Variants in ZNF695 observed in about 807,000 individuals in gnomAD.
The protein encoded by ZNF695 is zinc finger protein SBZF3.
Under a neutral mutation model 11.2 loss-of-function variants are expected in ZNF695, and 11 were observed. That is an observed-to-expected ratio of 0.98 (90% CI 0.62 to 1.62). The LOEUF (loss-of-function observed/expected upper bound fraction) is 1.62. Among genes scored for constraint, ZNF695 ranks in the 40% most tolerant of loss-of-function variants. ZNF695 has a pLI of 0.00. For missense variants in ZNF695, 559 were observed against 590.5 expected (o/e 0.95, Z 0.55); for synonymous variants, 190 against 201.4 (o/e 0.94, Z 0.48).
intron 3 of ZNF695, among the ~76,000 whole-genome samples, chr1:246,989,106 A>C (rs1161852565): frequency 6.7e-6 from 1 of 149,680 alleles, no homozygotes; most frequent in Non-Finnish European, 1.5e-5. Context: ...AAAAAAAAAA[A>C]AAAACGACAT....
intron 5 of ZNF695, among the ~76,000 whole-genome samples, chr1:246,953,326 AATAAAAACAAAGTGGGCCACGCCT>A (rs1254675374): frequency 4.6e-5 from 7 of 152,076 alleles, no homozygotes; most frequent in South Asian, 4.1e-4. Context: ...TAACCTCAGT[AATAAAAACAAAGTGGGCCACGCCT>A]GTAATCCCAG....
chr1:246,963,589 G>A (rs1019178133), intron 5 of ZNF695, among the ~76,000 whole-genome samples: 1 of 152,212 alleles, frequency 6.6e-6, no homozygotes, highest in Non-Finnish European at 1.5e-5. Context: ...ATCCGGCAGG[G>A]AAGAAGGCTG....
At chr1:246,977,947 C>A (rs1301721546) in intron 4 of ZNF695, among the ~76,000 whole-genome samples, 1 of 152,148 alleles carries the variant, frequency 6.6e-6, no homozygotes, top group African/African-American at 2.4e-5. Flanking sequence ...CAAACAGCAA[C>A]AAGGAGAAAA....
intron 5 of ZNF695, among the ~76,000 whole-genome samples, chr1:246,953,512 G>A (rs2102999800): frequency 6.6e-6 from 1 of 152,230 alleles, no homozygotes; most frequent in South Asian, 2.1e-4. Flanking sequence ...TCGGGAGGCT[G>A]AGGCAGGAGA....
chr1:247,007,360 G>A (rs1399804313), intron 1 of ZNF695, among the ~76,000 whole-genome samples: 1 of 152,028 alleles, frequency 6.6e-6, no homozygotes, highest in East Asian at 1.9e-4. Flanking sequence ...GCTGGGCGTG[G>A]TGGTGGGCGC....
At chr1:246,984,656 C>CA (rs528566432), downstream of ZNF695, among the ~76,000 whole-genome samples, 1 of 151,990 alleles carries the variant, frequency 6.6e-6, no homozygotes, top group Non-Finnish European at 1.5e-5. Flanking sequence ...CCAATAGAGT[C>CA]AATAAACTCA....
intron 4 of ZNF695, among the ~76,000 whole-genome samples, chr1:246,971,341 G>C (rs1052107003): frequency 2.6e-5 from 4 of 152,236 alleles, no homozygotes; most frequent in African/African-American, 9.6e-5. Context: ...AGCGGGCCAG[G>C]AGTGTGACCG....
chr1:246,986,702 C>A lies in ZNF695; in HGVS notation c.*265G>T. On this transcript the variant is annotated 3_prime_UTR_variant, in exon 4 of 4. Coordinates refer to ENST00000339986, the MANE Select transcript of ZNF695 (RefSeq NM_020394.5). The stretch of plus-strand genomic sequence containing the variant: ...AATACAAAGTCTTTGAAATTGAATA[C>A]AGTTTGAGCAACTGGAGGGTTTCCC... 9.0e-6 allele frequency: 10 copies of A among 1,111,558 alleles called. No individual in the cohort carries two copies. Among genetic ancestry groups the A allele is most frequent in the Admixed American group, 4.7e-5 (1 of 21,312 alleles). The allele number at this position is 1,111,558 out of a possible 1,614,324, so 68.9% of individuals were successfully genotyped here. A position where few individuals can be genotyped will look rare whatever the true frequency, so the allele number is the denominator to read the frequency against.
At chr1:246,993,171 G>A (rs1669090206) in intron 3 of ZNF695, among the ~76,000 whole-genome samples, 1 of 152,174 alleles carries the variant, frequency 6.6e-6, no homozygotes, top group Non-Finnish European at 1.5e-5. Context: ...CCCTTTGGGA[G>A]GCCGAGGTTG....
rs75261247 is a variant in ZNF695, at chr1:246,970,059, T to G, written c.391-2267A>C. On this transcript the variant is annotated intron_variant, in intron 4 of 5. Transcript: ENST00000487338. ...TCAACTTGAGTATCTTCTCCTAAAA[T>G]CCTTTCCAGTATTGCTATCATAGCA... Among the ~76,000 whole-genome samples, 440 of 152,298 alleles carry G rather than the reference T, an allele frequency of 2.9e-3. 4 individuals carry two copies. The highest frequency in any genetic ancestry group is 9.8e-3 in the African/African-American group (408 of 41,556).
At chr1:246,976,324 A>G (rs1668556784) in intron 4 of ZNF695, among the ~76,000 whole-genome samples, 1 of 152,204 alleles carries the variant, frequency 6.6e-6, no homozygotes, top group African/African-American at 2.4e-5. Flanking sequence ...ACAATTTTTT[A>G]ATTAGCTAAT....
chr1:246,996,906 C>T (rs1278776801), intron 3 of ZNF695, among the ~76,000 whole-genome samples: 2 of 152,154 alleles, frequency 1.3e-5, no homozygotes, highest in Non-Finnish European at 2.9e-5. Context: ...GGCATGTCTA[C>T]TGCAAGTAGA....
chr1:246,964,696 C>A (rs1265236592), intron 5 of ZNF695, among the ~76,000 whole-genome samples: 1 of 152,018 alleles, frequency 6.6e-6, no homozygotes, highest in Admixed American at 6.6e-5. Context: ...CATGGTGAGA[C>A]CTCATCTCTA....
intron 3 of ZNF695, among the ~76,000 whole-genome samples, chr1:246,995,793 A>G (rs181433107): frequency 3.1e-3 from 434 of 140,764 alleles, no homozygotes; most frequent in Non-Finnish European, 5.2e-3. Flanking sequence ...AACCTGGGTG[A>G]CAGAGCTGAG....
chr1:246,996,373 G>A (rs894696242), intron 3 of ZNF695, among the ~76,000 whole-genome samples: 4 of 151,816 alleles, frequency 2.6e-5, no homozygotes, highest in African/African-American at 4.8e-5. Context: ...ACTCATACTA[G>A]CACCACAGAT....
At chr1:247,002,654 T>C (rs967962838) in intron 1 of ZNF695, among the ~76,000 whole-genome samples, 1 of 152,082 alleles carries the variant, frequency 6.6e-6, no homozygotes, top group East Asian at 1.9e-4. Flanking sequence ...GGTGTGGTGG[T>C]GCATGCCTGT....
intron 5 of ZNF695, among the ~76,000 whole-genome samples, chr1:246,957,888 C>T (rs80195757): frequency 0.015 from 2,255 of 152,060 alleles, 61 homozygotes; most frequent in African/African-American, 0.051. Flanking sequence ...GCCACCACAC[C>T]CAGCCTTGTA....
downstream of ZNF695, among the ~76,000 whole-genome samples, chr1:246,982,715 G>A (rs1307667259): frequency 2.0e-4 from 30 of 152,214 alleles, 1 homozygote; most frequent in Non-Finnish European, 7.3e-5. Context: ...GCTCGTGCCT[G>A]TAATCCCAGC....
Position 246,987,109 on chromosome 1 carries a change from C to T in ZNF695, c.1406G>A (p.Cys469Tyr), listed in dbSNP as rs1029469668. 6.2e-7 allele frequency: 1 copy of T among 1,614,076 alleles called. No individual in the cohort carries two copies. Among genetic ancestry groups the T allele is most frequent in the Non-Finnish European group, 8.5e-7 (1 of 1,179,988 alleles). The change falls in exon 4 of 4, where the codon TGT (cysteine) becomes TAT (tyrosine). Residue 469 changes from cysteine to tyrosine, a missense_variant. By Grantham distance (194) the Cys-to-Tyr change is radical. Coordinates refer to ENST00000339986, the MANE Select transcript of ZNF695 (RefSeq NM_020394.5). ...TGAGCTCTGGCCAAAGGCTTTGCCA[C>T]ATTCTTCACATTTGTAGGGTTTCTC... ...TGEKPYKCEE[C>Y]GKAFGQSSHL...
Sources: allele counts gnomAD v4.1 joint callset (sites outside exome capture counted in the v4.1 genomes callset), GRCh38; gene constraint gnomAD v4.1.1; transcripts MANE v1.5; gene names NCBI Gene and HGNC (gene_info 2026-07-23, HGNC 2026-07-21).